The following CSMD3 variants were observed in gnomAD, a reference collection of about 807,000 sequenced individuals.
The protein encoded by CSMD3 is CUB and sushi domain-containing protein 3.
In CSMD3, 177 loss-of-function variants were observed where a neutral mutation model predicts 435.2. That is an observed-to-expected ratio of 0.41 (90% CI 0.36 to 0.46). CSMD3 has a LOEUF of 0.46. CSMD3 is among the 20% of genes least tolerant of loss of function. CSMD3 has a pLI of 0.34. For missense variants in CSMD3, 4,265 were observed against 4,504.6 expected (o/e 0.95, Z 1.52); for synonymous variants, 1,656 against 1,520.5 (o/e 1.09, Z -2.07).
intron 16 of CSMD3, among the ~76,000 whole-genome samples, chr8:112,667,727 A>G (rs2075559988): frequency 6.6e-6 from 1 of 152,156 alleles, no homozygotes; most frequent in African/African-American, 2.4e-5. Flanking sequence ...AATGGAGGAA[A>G]GAGTGTTTAA....
At chr8:113,414,668 A>C (rs1480477976) in intron 1 of CSMD3, among the ~76,000 whole-genome samples, 1 of 150,606 alleles carries the variant, frequency 6.6e-6, no homozygotes, top group African/African-American at 2.5e-5. Context: ...AAAAAAAAAA[A>C]AAAAAGTACT....
intron 3 of CSMD3, among the ~76,000 whole-genome samples, chr8:113,278,094 A>G (rs951828243): frequency 1.3e-5 from 2 of 151,826 alleles, no homozygotes; most frequent in East Asian, 1.9e-4. Context: ...AAAAAACACA[A>G]CCTTCAGTTT....
Position 112,995,484 on chromosome 8 carries a change from C to A in CSMD3, c.1031-19336G>T, listed in dbSNP as rs748753999. Among the ~76,000 whole-genome samples the A allele has an allele frequency of 2.6e-5, 4 of 151,274 alleles. No homozygotes were observed. The South Asian group carries it at 6.2e-4, about 24-fold the overall frequency. ...ATTTATTTGAAGAGTTTTAACGTTTCGCACCAGTTAGCTCTTATCTCTTAT... is the reference window on the plus strand; with the variant it reads ...ATTTATTTGAAGAGTTTTAACGTTTAGCACCAGTTAGCTCTTATCTCTTAT... On this transcript the variant is annotated intron_variant, in intron 6 of 70. Coordinates refer to ENST00000297405, the MANE Select transcript of CSMD3 (RefSeq NM_198123.2).
intron 6 of CSMD3, among the ~76,000 whole-genome samples, chr8:113,003,311 T>C (rs944630354): frequency 6.6e-6 from 1 of 152,038 alleles, no homozygotes; most frequent in African/African-American, 2.4e-5. Context: ...ATTTTTCTTA[T>C]TTGTTGTTTG....
chr8:112,922,576 C>T (rs567803438), intron 9 of CSMD3, among the ~76,000 whole-genome samples: 1 of 151,952 alleles, frequency 6.6e-6, no homozygotes, highest in East Asian at 1.9e-4. Context: ...TCTCTATATC[C>T]ATGTTTAATT....
chr8:112,530,677 A>T (rs1825438211), intron 27 of CSMD3, among the ~76,000 whole-genome samples: 1 of 152,348 alleles, frequency 6.6e-6, no homozygotes, highest in Non-Finnish European at 1.5e-5. Flanking sequence ...GATTCTACAC[A>T]GCAAACGTAC....
chr8:113,030,552 T>C (rs1026234721), intron 5 of CSMD3, among the ~76,000 whole-genome samples: 2 of 150,148 alleles, frequency 1.3e-5, no homozygotes, highest in Non-Finnish European at 3.0e-5. Flanking sequence ...GACTTAAAAG[T>C]AAATCTACGA....
At chr8:112,485,069 A>G (rs1456287832) in intron 31 of CSMD3, among the ~76,000 whole-genome samples, 1 of 152,146 alleles carries the variant, frequency 6.6e-6, no homozygotes, top group Non-Finnish European at 1.5e-5. Context: ...TCTCTAGACT[A>G]GCATCCAGGA....
At chr8:113,117,908 C>T (rs1007567815) in intron 4 of CSMD3, among the ~76,000 whole-genome samples, 1 of 152,174 alleles carries the variant, frequency 6.6e-6, no homozygotes, top group Non-Finnish European at 1.5e-5. Context: ...ATGCCTATAT[C>T]CCCATTGTAT....
chr8:112,908,975 T>C (rs978450061), intron 10 of CSMD3, among the ~76,000 whole-genome samples: 7 of 151,588 alleles, frequency 4.6e-5, no homozygotes, highest in African/African-American at 1.4e-4. Flanking sequence ...TCTATAGTCT[T>C]AATGGAAAGC....
Position 112,255,411 on chromosome 8 carries a change from G to T in CSMD3, c.9879C>A (p.Asp3293Glu), listed in dbSNP as rs182863252. The change falls in exon 62 of 71, where the codon GAC becomes GAA. Residue 3293 changes from aspartate (D) to glutamate (E), a missense_variant. Asp to Glu is a conservative substitution (Grantham distance 45, BLOSUM62 2). Transcript: ENST00000297405. ...VPQCLPKFCG[D>E]PGIPAQGKRE... The stretch of plus-strand genomic sequence containing the variant: ...TTTTTCCTTGGGCAGGTATACCAGG[G>T]TCACCACAAAACTTTGCTGGAAATG... 133 of 1,613,536 alleles carry T rather than the reference G, an allele frequency of 8.2e-5. No individual in the cohort carries two copies. The East Asian group carries it at 2.7e-3, about 32-fold the overall frequency.
chr8:112,486,098 T>A (rs1036982013), intron 31 of CSMD3, among the ~76,000 whole-genome samples: 4 of 148,390 alleles, frequency 2.7e-5, no homozygotes, highest in African/African-American at 9.9e-5. Context: ...GCATTTAAGA[T>A]GAAAAATTCT....
At chr8:112,696,130 G>T (rs984345026) in intron 13 of CSMD3, among the ~76,000 whole-genome samples, 1 of 152,108 alleles carries the variant, frequency 6.6e-6, no homozygotes, top group East Asian at 1.9e-4. Flanking sequence ...AATCAGTATC[G>T]TGAAAATGGC....
chr8:112,700,528 A>AG (rs2076366849), intron 13 of CSMD3, among the ~76,000 whole-genome samples: 1 of 152,052 alleles, frequency 6.6e-6, no homozygotes, highest in Admixed American at 6.6e-5. Context: ...AAGCAAAAAA[A>AG]CAAAAGGTAG....
intron 13 of CSMD3, among the ~76,000 whole-genome samples, chr8:112,701,192 A>G (rs2076381967): frequency 6.6e-6 from 1 of 152,190 alleles, no homozygotes; most frequent in Non-Finnish European, 1.5e-5. Context: ...CTGGCAAACA[A>G]ATTGGTAGAC....
intron 28 of CSMD3, among the ~76,000 whole-genome samples, chr8:112,507,943 G>T (rs1364968941): frequency 6.6e-6 from 1 of 151,928 alleles, no homozygotes; most frequent in Admixed American, 6.6e-5. Context: ...CTACTTTCCT[G>T]TCGCTTATAT....
rs144777900 is a variant in CSMD3 at position 112,736,363 on chromosome 8, T to C, written c.1973-46313A>G. Among the ~76,000 whole-genome samples the C allele has an allele frequency of 5.0e-3, 762 of 152,178 alleles. 4 individuals are homozygous for C. Among genetic ancestry groups the C allele is most frequent in the African/African-American group, 0.017 (718 of 41,560 alleles). ...CCCTTCCCATGTTATCTAGGTTTAA[T>C]CATGCTCTGACCTCCTGCCTTGACA... is the stretch of plus-strand genomic sequence containing the variant. On this transcript the variant is annotated intron_variant, in intron 13 of 70. Transcript: ENST00000297405.
intron 4 of CSMD3, among the ~76,000 whole-genome samples, chr8:113,155,171 C>T (rs539245997): frequency 6.6e-6 from 1 of 152,080 alleles, no homozygotes; most frequent in South Asian, 2.1e-4. Context: ...TGAAAAGAGG[C>T]TACCTTTTAA....
intron 3 of CSMD3, among the ~76,000 whole-genome samples, chr8:113,198,970 T>A (rs1320334571): frequency 6.6e-6 from 1 of 151,180 alleles, no homozygotes; most frequent in African/African-American, 2.4e-5. Context: ...CTTTCTAATT[T>A]CAATTTCCAA....
Sources: gnomAD v4.1 joint callset for allele counts (sites outside exome capture counted in the v4.1 genomes callset) on GRCh38, gnomAD v4.1.1 for gene constraint, MANE v1.5 for transcripts, NCBI Gene and HGNC (gene_info 2026-07-23, HGNC 2026-07-21) for gene names.